Variants in IDI1 observed in about 807,000 individuals in gnomAD.
IDI1 encodes the protein isopentenyl-diphosphate delta isomerase 1.
A neutral mutation model predicts 32.9 loss-of-function variants in IDI1; 23 were observed. The ratio of observed to expected loss-of-function variants is 0.70; its 90% CI spans 0.50 to 0.99. The LOEUF (loss-of-function observed/expected upper bound fraction) is 0.99, where lower values mean the gene tolerates loss of function less well. Ranked by LOEUF, IDI1 falls within the 50% of genes least tolerant of loss-of-function variation. The probability of loss-of-function intolerance (pLI) is 0.00; values close to 1 mark genes in which losing one functional copy is unlikely to be tolerated. For missense variants in IDI1, 326 were observed against 351.9 expected (o/e 0.93, Z 0.59); for synonymous variants, 133 against 128.2 (o/e 1.04, Z -0.25).
chr10:1,043,183 A>G, intron 3 of IDI1, 118 bp downstream of exon 3: 1 of 661,650 alleles, frequency 1.5e-6, no homozygotes, highest in Non-Finnish European at 2.7e-6. Flanking sequence ...CTTTATGCAG[A>G]ATATAAAATT....
chr10:1,049,498 G>A (rs1832931997), upstream of IDI1: 1 of 162,460 alleles, frequency 6.2e-6, no homozygotes, highest in Non-Finnish European at 1.3e-5. Flanking sequence ...CCGCCGCTGG[G>A]ACTACAGCGT....
chr10:1,041,445 A>G lies in IDI1; in HGVS notation c.597T>C (p.Gly199=), dbSNP rs370738695. The change falls in exon 5 of 5, where the codon GGT becomes GGC. Residue 199 remains glycine, a synonymous_variant. Coordinates refer to ENST00000381344, the MANE Select transcript of IDI1 (RefSeq NM_004508.4). ...AATCAATTTCATGTTCACCCCAGAT[A>G]CCATCAGACTGAGCTTTGTAGTGAA... ...TRIHYKAQSD[G]IWGEHEIDYI... The G allele has an allele frequency of 3.1e-6, 5 of 1,610,466 alleles. No individual in the cohort carries two copies. Among genetic ancestry groups the G allele is most frequent in the African/African-American group, 2.7e-5 (2 of 74,816 alleles).
upstream of IDI1, among the ~76,000 whole-genome samples, chr10:1,050,272 TTTGA>T (rs1266327879): frequency 6.6e-6 from 1 of 152,244 alleles, no homozygotes; most frequent in Admixed American, 6.5e-5. Flanking sequence ...AAAAACAGAC[TTTGA>T]TTTTGTTTTA....
intron 1 of IDI1, among the ~76,000 whole-genome samples, chr10:1,044,533 C>T (rs1276232192): frequency 1.3e-5 from 2 of 152,208 alleles, no homozygotes; most frequent in South Asian, 2.1e-4. Flanking sequence ...TCTACACCAG[C>T]TTCTGTAATC....
At chr10:1,048,150 C>T in intron 1 of IDI1, 1 of 1,002,716 alleles carries the variant, frequency 1.0e-6, no homozygotes, top group Non-Finnish European at 1.4e-6. Flanking sequence ...CGTGCACCAC[C>T]GCCCAGCTGT....
chr10:1,044,227 A>G, intron 1 of IDI1, 56 bp from the exon 2 acceptor site: 2 of 1,347,700 alleles, frequency 1.5e-6, no homozygotes, highest in Non-Finnish European at 2.1e-6. Context: ...TGAATGTCAT[A>G]TAAACACAGG....
the IDI1 span, among the ~76,000 whole-genome samples, chr10:1,056,246 C>T: frequency 6.6e-6 from 1 of 152,232 alleles, no homozygotes; most frequent in South Asian, 2.1e-4. Context: ...CGGCTGTTTA[C>T]GTAAAGACCA....
At position 1,049,031 on chromosome 10, in the gene IDI1, C is replaced by T; in HGVS notation, c.-28G>A. 6.8e-7 allele frequency: 1 copy of T among 1,466,540 alleles called. No individual in the cohort carries two copies. The allele number at this position is 1,466,540 out of a possible 1,614,324, so 90.8% of individuals were successfully genotyped here. The stretch of plus-strand genomic sequence containing the variant: ...CCCGGCCAATTGGCGCCCGTACGCG[C>T]TTGACGACACAATCTCGCCAAGCTT... On this transcript the variant is annotated 5_prime_UTR_variant, in exon 1 of 5. Coordinates refer to ENST00000381344, the MANE Select transcript of IDI1 (RefSeq NM_004508.4).
At chr10:1,053,506 A>G (rs993095762), upstream of IDI1, among the ~76,000 whole-genome samples, 7 of 152,262 alleles carry the variant, frequency 4.6e-5, no homozygotes, top group Admixed American at 6.5e-5. Flanking sequence ...GAGTTTCTCC[A>G]TATCAGCAAT....
At chr10:1,042,570 A>C (rs1040172745) in intron 4 of IDI1, 62 bp downstream of exon 4, 2 of 1,571,396 alleles carry the variant, frequency 1.3e-6, no homozygotes, top group African/African-American at 2.7e-5. Flanking sequence ...AAATTTTATT[A>C]AAAACCTTTT....
At chr10:1,043,570 A>G in intron 2 of IDI1, 177 bp from the exon 3 acceptor site, 1 of 695,244 alleles carries the variant, frequency 1.4e-6, no homozygotes, top group Non-Finnish European at 2.7e-6. Context: ...GCACTGGGCA[A>G]GGAAGTTGGC....
upstream of IDI1, among the ~76,000 whole-genome samples, chr10:1,051,058 A>G (rs1832998716): frequency 6.6e-6 from 1 of 152,216 alleles, no homozygotes; most frequent in Non-Finnish European, 1.5e-5. Context: ...TGTACTTGTT[A>G]CATTAAAACT....
chr10:1,041,256 G>A lies in IDI1; in HGVS notation c.786C>T (p.Leu262=). ...PWFKIIAATF[L]FKWWDNLNHL... Reference sequence around the variant, plus strand: ...GATTTAAGTTATCCCACCATTTAAAGAGAAAAGTCGCTGCAATAATTTTAA... The same window carrying A: ...GATTTAAGTTATCCCACCATTTAAAAAGAAAAGTCGCTGCAATAATTTTAA... Residue 262 remains leucine, a synonymous_variant, in exon 5 of 5, where the codon CTC becomes CTT. Coordinates refer to ENST00000381344, the MANE Select transcript of IDI1 (RefSeq NM_004508.4). 1 of 1,613,180 alleles carries A rather than the reference G, an allele frequency of 6.2e-7. No homozygotes were observed. Among genetic ancestry groups the A allele is most frequent in the Non-Finnish European group, 8.5e-7 (1 of 1,179,314 alleles).
chr10:1,049,272 T>C (rs1396042551), upstream of IDI1: 3 of 517,674 alleles, frequency 5.8e-6, no homozygotes, highest in Non-Finnish European at 9.9e-6. Flanking sequence ...CCCGAGGCGC[T>C]GCGAACGGTG....
At chr10:1,052,020 G>C (rs1225535670), upstream of IDI1, among the ~76,000 whole-genome samples, 1 of 152,190 alleles carries the variant, frequency 6.6e-6, no homozygotes, top group African/African-American at 2.4e-5. Context: ...CTATGGGCGT[G>C]TGCCACCATG....
In IDI1 at chr10:1,042,707, C is replaced by G. The variant is rs147132395; in HGVS notation, c.462G>C (p.Glu154Asp). 1.3e-4 allele frequency: 203 copies of G among 1,614,030 alleles called. No individual in the cohort carries two copies. Among genetic ancestry groups the G allele is most frequent in the Middle Eastern group, 5.0e-4 (3 of 6,054 alleles). Residue 154 changes from glutamate (E) to aspartate (D), a missense_variant, in exon 4 of 5, where the codon GAG (glutamate) becomes GAC (aspartate). Physicochemically the swap from Glu to Asp is conservative, Grantham distance 45 (BLOSUM62 2). This residue lies in a region of IDI1 where 205 missense variants were observed against 273.5 expected (regional missense o/e 0.75). Coordinates refer to ENST00000381344, the MANE Select transcript of IDI1 (RefSeq NM_004508.4). Reference sequence around the variant, plus strand: ...GCCTCACTCCAAGGGCGTCACTTTCCTCAAGCTCGGCTGGATTGCTTAATG... The same window carrying G: ...GCCTCACTCCAAGGGCGTCACTTTCGTCAAGCTCGGCTGGATTGCTTAATG... ...SHPLSNPAEL[E>D]ESDALGVRRA...
the IDI1 span, among the ~76,000 whole-genome samples, chr10:1,054,912 T>A: frequency 3.9e-3 from 597 of 152,316 alleles, 6 homozygotes; most frequent in Non-Finnish European, 2.9e-3. Context: ...GACACGGACA[T>A]GGAAAACGTC....
chr10:1,042,698 G>T lies in IDI1; in HGVS notation c.471C>A (p.Asp157Glu). The T allele has an allele frequency of 1.2e-6, 2 of 1,613,908 alleles. No homozygotes were observed. The highest frequency in any genetic ancestry group is 1.3e-5 in the African/African-American group (1 of 75,004). Residue 157 changes from aspartate to glutamate, a missense_variant, in exon 4 of 5, where the codon GAC becomes GAA. Asp to Glu is a conservative substitution (Grantham distance 45, BLOSUM62 2). Coordinates refer to ENST00000381344, the MANE Select transcript of IDI1 (RefSeq NM_004508.4). Reference protein sequence around the residue: ...LSNPAELEESDALGVRRAAQR... With the variant: ...LSNPAELEESEALGVRRAAQR... ...GTGCTGCTCGCCTCACTCCAAGGGC[G>T]TCACTTTCCTCAAGCTCGGCTGGAT...
rs1832895396 is a variant in IDI1 at position 1,048,935 on chromosome 10, C to A, written c.69G>T (p.Val23=). The change falls in exon 1 of 5, where the codon GTG becomes GTT. Residue 23 remains valine (V), a synonymous_variant. Coordinates refer to ENST00000381344, the MANE Select transcript of IDI1 (RefSeq NM_004508.4). The part of the protein sequence containing the change: ...CAARGRGQWA[V]RAADCAQSGR... ...CGCTTTGAGCACAGTCTGCGGCGCGCACCGCCCACTGGCCCCGCCCCCGGG... is the reference window on the plus strand; with the variant it reads ...CGCTTTGAGCACAGTCTGCGGCGCGAACCGCCCACTGGCCCCGCCCCCGGG... The A allele has an allele frequency of 6.3e-7, 1 of 1,590,988 alleles. No homozygotes were observed. The highest frequency in any genetic ancestry group is 8.5e-7 in the Non-Finnish European group (1 of 1,171,710).
Sources: gnomAD v4.1 joint callset for allele counts (sites outside exome capture counted in the v4.1 genomes callset) on GRCh38, gnomAD v4.1.1 for gene constraint, gnomAD v4.1.1 regional missense constraint, MANE v1.5 for transcripts, NCBI Gene and HGNC (gene_info 2026-07-23, HGNC 2026-07-21) for gene names.